The following STARD13 variants were observed in gnomAD, a reference collection of about 807,000 sequenced individuals.
The protein encoded by STARD13 is stAR-related lipid transfer protein 13.
In STARD13, 62 loss-of-function variants were observed where a neutral mutation model predicts 106.4. The ratio of observed to expected loss-of-function variants is 0.58; its 90% CI spans 0.48 to 0.72. STARD13 has a LOEUF of 0.72. Ranked by LOEUF, STARD13 falls within the 30% of genes least tolerant of loss-of-function variation. The probability of loss-of-function intolerance (pLI) is 0.00; values close to 1 mark genes in which losing one functional copy is unlikely to be tolerated. For synonymous variants in STARD13, 565 were observed against 553.0 expected, an observed-to-expected ratio of 1.02 and a Z score of -0.31; for missense variants, 1,387 against 1,424.0, an observed-to-expected ratio of 0.97 and a Z score of 0.42.
chr13:33,425,221 C>G, the STARD13 span, among the ~76,000 whole-genome samples: 2 of 152,214 alleles, frequency 1.3e-5, no homozygotes, highest in African/African-American at 4.8e-5. Context: ...TGCCTTGCCT[C>G]TGCCTCCTAT....
At position 33,104,491 on chromosome 13, in the gene STARD13, A is replaced by C. The variant is rs549764254; in HGVS notation, c.*1102T>G. The C allele has an allele frequency of 6.6e-6, 1 of 152,656 alleles. No individual in the cohort carries two copies. The highest frequency in any genetic ancestry group is 1.9e-4 in the East Asian group (1 of 5,204). 9.5% of individuals were successfully genotyped at this position (152,656 alleles called of 1,614,324 possible). On this transcript the variant is annotated 3_prime_UTR_variant, in exon 14 of 14. Transcript: ENST00000336934. ...TTTAAGAGTATCCTACACATAACAA[A>C]ATATGAATTCCCTGAAGCTGTAACG...
At chr13:33,151,865 G>A (rs964773331) in intron 3 of STARD13, among the ~76,000 whole-genome samples, 1 of 152,170 alleles carries the variant, frequency 6.6e-6, no homozygotes, top group Non-Finnish European at 1.5e-5. Context: ...GGATGTCTGC[G>A]TGAAGACAGA....
the STARD13 span, among the ~76,000 whole-genome samples, chr13:33,594,119 A>T: frequency 6.6e-6 from 1 of 151,868 alleles, no homozygotes; most frequent in African/African-American, 2.4e-5. Flanking sequence ...TATTTCCAGG[A>T]TGGTCTCTAT....
chr13:33,530,281 C>T, the STARD13 span, among the ~76,000 whole-genome samples: 11 of 152,136 alleles, frequency 7.2e-5, 1 homozygote, highest in East Asian at 1.9e-4. Flanking sequence ...AAGAACTCCC[C>T]GAGCCAAACC....
At chr13:33,359,145 G>A in the STARD13 span, among the ~76,000 whole-genome samples, 1,148 of 36,054 alleles carry the variant, frequency 0.032, 18 homozygotes, top group African/African-American at 0.049. Flanking sequence ...CTGTGGAAGC[G>A]TTGTTTTTCG....
At chr13:33,274,070 C>T (rs982640159) in intron 1 of STARD13, 1 of 142,468 alleles carries the variant, frequency 7.0e-6, no homozygotes, top group African/African-American at 2.6e-5. Context: ...TAAGCAGAGG[C>T]ATATCATAAA....
At chr13:33,660,697 C>G in the STARD13 span, among the ~76,000 whole-genome samples, 2 of 152,218 alleles carry the variant, frequency 1.3e-5, no homozygotes, top group East Asian at 3.8e-4. Context: ...CATCCTCCCA[C>G]CTCAGCCTCC....
At chr13:33,417,684 G>A in the STARD13 span, among the ~76,000 whole-genome samples, 3 of 152,100 alleles carry the variant, frequency 2.0e-5, no homozygotes, top group Non-Finnish European at 4.4e-5. Flanking sequence ...CATACTGTAC[G>A]ATCCTGTTTA....
chr13:33,406,246 T>C, the STARD13 span, among the ~76,000 whole-genome samples: 17 of 152,360 alleles, frequency 1.1e-4, no homozygotes, highest in South Asian at 3.5e-3. Flanking sequence ...GAAACATGTT[T>C]GACCACTGAC....
the STARD13 span, among the ~76,000 whole-genome samples, chr13:33,623,269 A>G: frequency 7.9e-5 from 12 of 152,216 alleles, no homozygotes; most frequent in African/African-American, 2.9e-4. Context: ...CATAACATGC[A>G]CAAACATTAT....
intron 1 of STARD13, among the ~76,000 whole-genome samples, chr13:33,189,829 G>C (rs956225956): frequency 6.6e-6 from 1 of 151,920 alleles, no homozygotes; most frequent in Non-Finnish European, 1.5e-5. Context: ...CCAGTTTCTA[G>C]CAGGAGTTCA....
chr13:33,348,402 A>C (rs895206093), downstream of STARD13, among the ~76,000 whole-genome samples: 3 of 152,220 alleles, frequency 2.0e-5, no homozygotes, highest in Non-Finnish European at 4.4e-5. Flanking sequence ...ATAGCTTAAA[A>C]TCTTTACATG....
At chr13:33,190,014 C>CTAG (rs1886126134) in intron 1 of STARD13, among the ~76,000 whole-genome samples, 1 of 151,990 alleles carries the variant, frequency 6.6e-6, no homozygotes, top group South Asian at 2.1e-4. Context: ...ACAACTTTCT[C>CTAG]ATTATACTAG....
At chr13:33,474,057 T>A in the STARD13 span, among the ~76,000 whole-genome samples, 1 of 152,194 alleles carries the variant, frequency 6.6e-6, no homozygotes, top group South Asian at 2.1e-4. Context: ...GAGAATTTGA[T>A]AAACTGATAT....
chr13:33,351,752 A>T (rs1459065436), upstream of STARD13, among the ~76,000 whole-genome samples: 3 of 152,220 alleles, frequency 2.0e-5, no homozygotes, highest in East Asian at 5.8e-4. Flanking sequence ...TAAGAACCAA[A>T]ATTTAATCAG....
At chr13:33,141,419 A>G (rs1360720780) in intron 4 of STARD13, among the ~76,000 whole-genome samples, 1 of 152,242 alleles carries the variant, frequency 6.6e-6, no homozygotes, top group African/African-American at 2.4e-5. Flanking sequence ...TTCCTAGAAA[A>G]CAGTACATAT....
intron 1 of STARD13, among the ~76,000 whole-genome samples, chr13:33,236,932 A>G (rs1889218446): frequency 6.6e-6 from 1 of 152,212 alleles, no homozygotes; most frequent in South Asian, 2.1e-4. Flanking sequence ...AGAGTTTGAT[A>G]GTTTTTGACC....
intron 1 of STARD13, among the ~76,000 whole-genome samples, chr13:33,203,152 T>C (rs1887167941): frequency 1.3e-5 from 2 of 152,112 alleles, no homozygotes; most frequent in Admixed American, 1.3e-4. Flanking sequence ...ATGGCGTGGC[T>C]CCCAAGGCTG....
At chr13:33,499,662 T>TTC in the STARD13 span, among the ~76,000 whole-genome samples, 4 of 145,810 alleles carry the variant, frequency 2.7e-5, no homozygotes, top group South Asian at 2.2e-4. Flanking sequence ...CTTCTTCTTC[T>TTC]TCCTCGTCCT....
Sources: gnomAD v4.1 joint callset for allele counts (sites outside exome capture counted in the v4.1 genomes callset) on GRCh38, gnomAD v4.1.1 for gene constraint, MANE v1.5 for transcripts, NCBI Gene and HGNC (gene_info 2026-07-23, HGNC 2026-07-21) for gene names.